The following PATJ variants were observed in gnomAD, a reference collection of about 807,000 sequenced individuals.
PATJ encodes PATJ crumbs cell polarity complex component, also known as inaD-like protein.
In PATJ, 190 loss-of-function variants were observed where a neutral mutation model predicts 224.9. The observed-to-expected ratio is 0.84, with a 90% CI of 0.75 to 0.95. PATJ has a LOEUF of 0.95. PATJ is among the 40% of genes least tolerant of loss of function. The probability of loss-of-function intolerance (pLI) is 0.00; values close to 1 mark genes in which losing one functional copy is unlikely to be tolerated. For missense variants in PATJ, 2,121 were observed against 2,270.3 expected (o/e 0.93, Z 1.34); for synonymous variants, 769 against 820.3 (o/e 0.94, Z 1.07).
chr1:61,776,834 T>G (rs1646939262), intron 7 of PATJ, among the ~76,000 whole-genome samples: 1 of 152,014 alleles, frequency 6.6e-6, no homozygotes, highest in Non-Finnish European at 1.5e-5. Context: ...CTTGCCATTC[T>G]CCTGCCTCAG....
At chr1:62,139,213 C>T (rs1667241698) in intron 41 of PATJ, among the ~76,000 whole-genome samples, 1 of 151,888 alleles carries the variant, frequency 6.6e-6, no homozygotes, top group Non-Finnish European at 1.5e-5. Flanking sequence ...CCAGCCTGGC[C>T]AAGATGGTGA....
At chr1:61,995,978 A>G (rs954671297) in intron 28 of PATJ, among the ~76,000 whole-genome samples, 1 of 152,250 alleles carries the variant, frequency 6.6e-6, no homozygotes, top group Non-Finnish European at 1.5e-5. Context: ...AGTGGGTGGC[A>G]CAAGAGGTGC....
At chr1:62,038,974 G>T (rs564257444) in intron 30 of PATJ, 30 of 1,375,154 alleles carry the variant, frequency 2.2e-5, no homozygotes, top group African/African-American at 2.8e-5. Context: ...AGTGATATCT[G>T]TTCTAGCCCA....
At position 61,756,417 on chromosome 1, in the gene PATJ, C is replaced by T. The variant is rs188240495; in HGVS notation, c.-35-6441C>T. 2.6e-5 allele frequency among the ~76,000 whole-genome samples: 4 copies of T among 152,196 alleles called. No individual in the cohort carries two copies. In the East Asian group the frequency reaches 7.7e-4, roughly 29 times the overall value. Reference sequence around the variant, plus strand: ...TTGCTAGAAATGCAGATTTTCAGGGCCCACCTCAGACCTACTGAATCAGTA... The same window carrying T: ...TTGCTAGAAATGCAGATTTTCAGGGTCCACCTCAGACCTACTGAATCAGTA... On this transcript the variant is annotated intron_variant, in intron 1 of 43. Transcript: ENST00000642238.
chr1:61,785,545 A>G (rs1434576667), intron 7 of PATJ, among the ~76,000 whole-genome samples: 1 of 152,212 alleles, frequency 6.6e-6, no homozygotes, highest in Non-Finnish European at 1.5e-5. Flanking sequence ...GTCCTTCTCT[A>G]AGTGAGATGG....
chr1:61,878,683 A>T (rs376227593), intron 21 of PATJ, among the ~76,000 whole-genome samples: 1,479 of 131,240 alleles, frequency 0.011, 29 homozygotes, highest in African/African-American at 0.038. Flanking sequence ...ATCTCTATTT[A>T]AAAAAAAAAA....
At chr1:61,916,609 A>G (rs190312464) in intron 26 of PATJ, among the ~76,000 whole-genome samples, 1 of 152,210 alleles carries the variant, frequency 6.6e-6, no homozygotes, top group African/African-American at 2.4e-5. Context: ...TTTGTAGATA[A>G]TCTGTCATGT....
chr1:61,961,879 G>C (rs1297050568), intron 27 of PATJ, among the ~76,000 whole-genome samples: 1 of 149,584 alleles, frequency 6.7e-6, no homozygotes, highest in Non-Finnish European at 1.5e-5. Flanking sequence ...TGAGGCAGGA[G>C]AATCACTTGA....
chr1:62,095,558 C>G (rs1661296679), intron 33 of PATJ, among the ~76,000 whole-genome samples: 1 of 152,194 alleles, frequency 6.6e-6, no homozygotes, highest in Non-Finnish European at 1.5e-5. Context: ...AGTTTCTCAT[C>G]CTTGGATTCA....
intron 28 of PATJ, among the ~76,000 whole-genome samples, chr1:62,000,749 T>G (rs7354902): frequency 0.01 from 1,573 of 151,018 alleles, 44 homozygotes; most frequent in African/African-American, 0.036. Context: ...TATTTCTAGT[T>G]CTAGATCCCT....
intron 20 of PATJ, among the ~76,000 whole-genome samples, chr1:61,871,558 T>TATATA (rs1491327906): frequency 8.0e-4 from 10 of 12,538 alleles, no homozygotes; most frequent in East Asian, 2.2e-3. Context: ...TATATATATA[T>TATATA]TTTTTTTTTT....
chr1:61,774,068 C>T lies in PATJ; in HGVS notation c.721-1138C>T, dbSNP rs1429683417. 5.1e-5 allele frequency among the ~76,000 whole-genome samples: 7 copies of T among 136,242 alleles called. No individual in the cohort carries two copies. In the East Asian group the frequency reaches 8.5e-4, roughly 17 times the overall value. The allele number at this position is 136,242 out of a possible 152,430, so 89.4% of individuals were successfully genotyped here. ...CTGGGAGGTGGAGCTTGCAGTGAGCCGAGATCACACCACTGCACTCCAGCC... is the reference window on the plus strand; with the variant it reads ...CTGGGAGGTGGAGCTTGCAGTGAGCTGAGATCACACCACTGCACTCCAGCC... On this transcript the variant is annotated intron_variant, in intron 6 of 43. Transcript: ENST00000642238.
intron 31 of PATJ, among the ~76,000 whole-genome samples, chr1:62,068,474 G>A (rs1442307893): frequency 6.6e-6 from 1 of 152,182 alleles, no homozygotes; most frequent in Non-Finnish European, 1.5e-5. Context: ...AGCCTGATGT[G>A]TGTATGGCTG....
chr1:62,023,640 C>T (rs1390802295), intron 29 of PATJ, among the ~76,000 whole-genome samples: 1 of 152,046 alleles, frequency 6.6e-6, no homozygotes, highest in African/African-American at 2.4e-5. Context: ...GGCTAAGACT[C>T]GAAGGATAAG....
rs546051174 is a variant in PATJ at position 62,155,786 on chromosome 1, G to A, written c.5502+2305G>A. ...TAAAAGAATATTCCAGGCCGGGTGC[G>A]GTGGCTCATGCCTGTAATCCCAGCA... is the stretch of plus-strand genomic sequence containing the variant. On this transcript the variant is annotated intron_variant, in intron 43 of 43. Coordinates refer to ENST00000642238, the MANE Select transcript of PATJ (RefSeq NM_001350145.3). Among the ~76,000 whole-genome samples, 5 of 151,860 alleles carry A rather than the reference G, an allele frequency of 3.3e-5. No homozygotes were observed. In the East Asian group the frequency reaches 5.8e-4, roughly 18 times the overall value.
intron 29 of PATJ, among the ~76,000 whole-genome samples, chr1:62,027,877 G>C (rs906404517): frequency 6.6e-6 from 1 of 151,806 alleles, no homozygotes; most frequent in African/African-American, 2.4e-5. Context: ...ACATATTGTA[G>C]ATATTAACCA....
At chr1:61,871,459 A>ATATATGTGTATATACATATATATGCG (rs1571017969) in intron 20 of PATJ, among the ~76,000 whole-genome samples, 9 of 56,002 alleles carry the variant, frequency 1.6e-4, no homozygotes, top group Admixed American at 2.6e-4. Context: ...ATATATGCGT[A>ATATATGTGTATATACATATATATGCG]TATATATGTA....
At chr1:62,051,195 A>T in intron 31 of PATJ, 137 bp downstream of exon 31, 1 of 666,298 alleles carries the variant, frequency 1.5e-6, no homozygotes, top group Non-Finnish European at 2.6e-6. Context: ...AAGCTATTAT[A>T]TGTAGTGAGT....
At chr1:61,889,577 TAAC>T (rs933583179) in intron 22 of PATJ, among the ~76,000 whole-genome samples, 41 of 152,284 alleles carry the variant, frequency 2.7e-4, no homozygotes, top group Admixed American at 7.8e-4. Context: ...AGTAAGAGAT[TAAC>T]AACAATAACT....
Sources: gnomAD v4.1 joint callset for allele counts (sites outside exome capture counted in the v4.1 genomes callset) on GRCh38, gnomAD v4.1.1 for gene constraint, MANE v1.5 for transcripts, NCBI Gene and HGNC (gene_info 2026-07-23, HGNC 2026-07-21) for gene names.